The following KIAA1217 variants were observed in gnomAD, a reference collection of about 807,000 sequenced individuals.
KIAA1217 encodes KIAA1217, also known as sickle tail protein homolog.
Under a neutral mutation model 163.9 loss-of-function variants are expected in KIAA1217, and 88 were observed. That is an observed-to-expected ratio of 0.54 (90% CI 0.45 to 0.64). KIAA1217 has a LOEUF of 0.64. KIAA1217 is among the 30% of genes least tolerant of loss of function. The pLI is 0.00. For synonymous variants in KIAA1217, 903 were observed against 923.1 expected (o/e 0.98, Z 0.39); for missense variants, 2,372 against 2,475.0 (o/e 0.96, Z 0.88).
chr10:24,317,221 A>C (rs1307340070), intron 2 of KIAA1217, among the ~76,000 whole-genome samples: 2 of 152,152 alleles, frequency 1.3e-5, no homozygotes, highest in Non-Finnish European at 2.9e-5. Context: ...GCTGATACAT[A>C]AATAAACCCA....
chr10:23,782,577 C>T (rs548714477), intron 1 of KIAA1217, among the ~76,000 whole-genome samples: 1 of 152,278 alleles, frequency 6.6e-6, no homozygotes, highest in East Asian at 1.9e-4. Flanking sequence ...GGACTACATG[C>T]ATGAGCGAAC....
At chr10:24,032,177 A>G (rs937203027) in intron 2 of KIAA1217, among the ~76,000 whole-genome samples, 3 of 152,202 alleles carry the variant, frequency 2.0e-5, no homozygotes, top group East Asian at 1.9e-4. Flanking sequence ...AATTATACCA[A>G]TGAAATCCCA....
rs140373169 is a variant in KIAA1217 at position 24,215,768 on chromosome 10, G to A, written c.71-3858G>A. Among the ~76,000 whole-genome samples the A allele has an allele frequency of 3.5e-3, 537 of 152,332 alleles. 13 individuals are homozygous for A. The East Asian group carries it at 0.053, about 15-fold the overall frequency. ...GTGACAGATGTGCTGAAGTGCCTTT[G>A]TGTGGAAAGTGGCGTTAGGTGGCTC... is the stretch of plus-strand genomic sequence containing the variant. On this transcript the variant is annotated intron_variant, in intron 1 of 20. Transcript: ENST00000376454.
chr10:24,187,696 G>A (rs1176559544), intron 2 of KIAA1217, among the ~76,000 whole-genome samples: 1 of 151,982 alleles, frequency 6.6e-6, no homozygotes, highest in Non-Finnish European at 1.5e-5. Flanking sequence ...TTCGAGACCA[G>A]CCTGACCAAC....
chr10:24,265,267 C>T (rs11597573), intron 2 of KIAA1217, among the ~76,000 whole-genome samples: 46,219 of 152,082 alleles, frequency 0.3, 7,218 homozygotes, highest in African/African-American at 0.36. Flanking sequence ...TGGTCTTTCA[C>T]GTGGTTTCAG....
At chr10:23,922,363 T>C (rs1842882051) in intron 1 of KIAA1217, among the ~76,000 whole-genome samples, 1 of 152,158 alleles carries the variant, frequency 6.6e-6, no homozygotes. Context: ...AACCAGTAAA[T>C]GTAAGTAAAG....
intron 1 of KIAA1217, among the ~76,000 whole-genome samples, chr10:23,922,598 G>C (rs577672555): frequency 2.0e-5 from 3 of 152,214 alleles, no homozygotes; most frequent in South Asian, 4.2e-4. Context: ...CTAAATTGTA[G>C]GTCACCCAGT....
chr10:24,412,724 T>C (rs1268393647), intron 3 of KIAA1217, among the ~76,000 whole-genome samples: 1 of 152,174 alleles, frequency 6.6e-6, no homozygotes, highest in Non-Finnish European at 1.5e-5. Flanking sequence ...ACCTCATTGC[T>C]TCTCTATATT....
intron 2 of KIAA1217, among the ~76,000 whole-genome samples, chr10:24,311,243 T>C (rs2042656846): frequency 6.6e-6 from 1 of 152,152 alleles, no homozygotes; most frequent in African/African-American, 2.4e-5. Context: ...CCAGCCTGTG[T>C]CCTGTGACAC....
chr10:24,219,955 G>T, intron 2 of KIAA1217, 46 bp downstream of exon 2: 1 of 1,513,202 alleles, frequency 6.6e-7, no homozygotes, highest in South Asian at 1.3e-5. Context: ...GCTCTCTAAT[G>T]AACATCGAGG....
chr10:23,880,360 C>T (rs1840895778), intron 1 of KIAA1217, among the ~76,000 whole-genome samples: 1 of 151,830 alleles, frequency 6.6e-6, no homozygotes, highest in Non-Finnish European at 1.5e-5. Flanking sequence ...GAAAGACGAA[C>T]ATCACCTGTT....
At chr10:24,195,592 G>T (rs1158903339) in intron 2 of KIAA1217, among the ~76,000 whole-genome samples, 1 of 152,160 alleles carries the variant, frequency 6.6e-6, no homozygotes, top group Non-Finnish European at 1.5e-5. Context: ...GGGCAACAGA[G>T]CCACTAAGAT....
At chr10:23,855,954 G>A (rs1333302930) in intron 1 of KIAA1217, among the ~76,000 whole-genome samples, 2 of 152,042 alleles carry the variant, frequency 1.3e-5, no homozygotes, top group Non-Finnish European at 2.9e-5. Context: ...CCTTTGGTTT[G>A]AATTTTCTCC....
chr10:24,095,641 A>G (rs2062128364), intron 2 of KIAA1217, among the ~76,000 whole-genome samples: 1 of 152,042 alleles, frequency 6.6e-6, no homozygotes, highest in South Asian at 2.1e-4. Flanking sequence ...TCTCTCTACA[A>G]GTTCTCCCTA....
At chr10:24,442,510 C>A (rs1371767989) in intron 5 of KIAA1217, among the ~76,000 whole-genome samples, 2 of 152,194 alleles carry the variant, frequency 1.3e-5, no homozygotes, top group Non-Finnish European at 2.9e-5. Flanking sequence ...TGTTCAGCTT[C>A]TAAGTGTCTT....
At chr10:24,394,669 C>G (rs1248657231) in intron 3 of KIAA1217, among the ~76,000 whole-genome samples, 1 of 151,962 alleles carries the variant, frequency 6.6e-6, no homozygotes, top group Non-Finnish European at 1.5e-5. Context: ...CTGATTACAC[C>G]CAGCCACCCC....
At chr10:24,355,175 G>A (rs1389847440) in intron 2 of KIAA1217, among the ~76,000 whole-genome samples, 2 of 152,186 alleles carry the variant, frequency 1.3e-5, no homozygotes, top group African/African-American at 4.8e-5. Flanking sequence ...GGAGCTTGGG[G>A]CCAGAGGAGG....
Position 23,829,359 on chromosome 10 carries a change from A to T in KIAA1217, c.-321+134125A>T, listed in dbSNP as rs572345116. ...CCAACTGATGGCCCACAGAACCTAG[A>T]GGAAGGCAAACTCTCAGCTCTGTTA... On this transcript the variant is annotated intron_variant, in intron 1 of 18. Transcript: ENST00000376462. Among the ~76,000 whole-genome samples, 11 of 152,292 alleles carry T rather than the reference A, an allele frequency of 7.2e-5. No individual in the cohort carries two copies. In the South Asian group the frequency reaches 1.4e-3, roughly 20 times the overall value.
intron 2 of KIAA1217, among the ~76,000 whole-genome samples, chr10:24,064,848 C>A (rs1184038009): frequency 6.6e-6 from 1 of 152,196 alleles, no homozygotes; most frequent in South Asian, 2.1e-4. Flanking sequence ...AGAGATTCAA[C>A]TTCTTCCTGA....
Sources: allele counts gnomAD v4.1 joint callset (sites outside exome capture counted in the v4.1 genomes callset), GRCh38; gene constraint gnomAD v4.1.1; transcripts MANE v1.5; gene names NCBI Gene and HGNC (gene_info 2026-07-23, HGNC 2026-07-21).